Variants in REXO1 observed in about 807,000 individuals in gnomAD.
REXO1 encodes the protein REX1, RNA exonuclease 1 homolog.
In REXO1, 42 loss-of-function variants were observed where a neutral mutation model predicts 102.6. The observed-to-expected ratio is 0.41, with a 90% CI of 0.32 to 0.53. REXO1 has a LOEUF of 0.53. Ranked by LOEUF, REXO1 falls within the 20% of genes least tolerant of loss-of-function variation. REXO1 has a pLI of 0.27. For missense variants in REXO1, 1,819 were observed against 1,732.5 expected (o/e 1.05, Z -0.89); for synonymous variants, 908 against 779.1 (o/e 1.17, Z -2.76).
Position 1,827,396 on chromosome 19 carries a change from A to G in REXO1, c.1393T>C (p.Ser465Pro). 1 of 1,540,878 alleles carries G rather than the reference A, an allele frequency of 6.5e-7. No individual in the cohort carries two copies. The highest frequency in any genetic ancestry group is 8.7e-7 in the Non-Finnish European group (1 of 1,151,980). Residue 465 changes from serine to proline, a missense_variant, in exon 2 of 16, where the codon TCC (serine) becomes CCC (proline). Coordinates refer to ENST00000170168, the MANE Select transcript of REXO1 (RefSeq NM_020695.4). ...ARRPSPTSGD[S>P]RPAAGRGPPR... is the part of the protein sequence containing the mutation. ...GGGCCTCTGCCGGCCGCCGGTCGGG[A>G]GTCCCCGCTTGTGGGGCTCGGCCGC...
In REXO1 at chr19:1,817,732, C is replaced by A. The variant is rs749122145; in HGVS notation, c.3065G>T (p.Gly1022Val). 3.1e-6 allele frequency: 5 copies of A among 1,612,142 alleles called. No homozygotes were observed. The highest frequency in any genetic ancestry group is 4.2e-6 in the Non-Finnish European group (5 of 1,179,652). The change falls in exon 11 of 16, where the codon GGC becomes GTC. Residue 1022 changes from glycine (G) to valine (V), a missense_variant. Physicochemically the swap from Gly to Val is moderately radical, Grantham distance 109 (BLOSUM62 -3). Coordinates refer to ENST00000170168, the MANE Select transcript of REXO1 (RefSeq NM_020695.4). Reference sequence around the variant, plus strand: ...CTTTGCGACTTGGCAGCCGACAGAGCCGGCGGCAGCCGAGCAGCACATGTA... The same window carrying A: ...CTTTGCGACTTGGCAGCCGACAGAGACGGCGGCAGCCGAGCAGCACATGTA... ...TQYMCCSAAA[G>V]SVGCQVAKQH... is the part of the protein sequence containing the mutation.
At chr19:1,820,513 G>C in intron 5 of REXO1, 118 bp from the exon 6 acceptor site, 1 of 1,208,590 alleles carries the variant, frequency 8.3e-7, no homozygotes, top group East Asian at 2.5e-5. Flanking sequence ...CGCTGGGACA[G>C]ATCAGCCTGG....
At chr19:1,836,886 G>A (rs1018027307) in intron 1 of REXO1, among the ~76,000 whole-genome samples, 7 of 152,168 alleles carry the variant, frequency 4.6e-5, no homozygotes, top group African/African-American at 1.7e-4. Context: ...CCCGCATGCT[G>A]GCCCAGAACA....
chr19:1,828,853 G>A (rs2069826743), intron 1 of REXO1, among the ~76,000 whole-genome samples: 1 of 152,266 alleles, frequency 6.6e-6, no homozygotes, highest in Non-Finnish European at 1.5e-5. Flanking sequence ...AATGGGCGCT[G>A]GATGGGCCTG....
At chr19:1,817,154 G>GGCCAGATGGGGC in intron 12 of REXO1, 65 bp downstream of exon 12, 1 of 1,586,772 alleles carries the variant, frequency 6.3e-7, no homozygotes, top group South Asian at 1.1e-5. Context: ...GGCCAGATGG[G>GGCCAGATGGGGC]GCGGCCGCAC....
chr19:1,817,273 C>G lies in REXO1; in HGVS notation c.3147G>C (p.Glu1049Asp). Residue 1049 changes from glutamate to aspartate, a missense_variant, in exon 12 of 16, where the codon GAG becomes GAC. Transcript: ENST00000170168. The part of the protein sequence containing the change: ...ERLEGFVKTF[E>D]KELSGDTHPG... Reference sequence around the variant, plus strand: ...GGTGGGTGTCTCCTGAGAGCTCTTTCTCAAAGGTCTTCACGAAGCCCTCAA... The same window carrying G: ...GGTGGGTGTCTCCTGAGAGCTCTTTGTCAAAGGTCTTCACGAAGCCCTCAA... 6.2e-7 allele frequency: 1 copy of G among 1,613,276 alleles called. No individual in the cohort carries two copies. The highest frequency in any genetic ancestry group is 8.5e-7 in the Non-Finnish European group (1 of 1,180,018).
chr19:1,823,802 G>T lies in REXO1; in HGVS notation c.2017-17C>A, dbSNP rs956841596. 5 of 1,189,724 alleles carry T rather than the reference G, an allele frequency of 4.2e-6. No homozygotes were observed. Among genetic ancestry groups the T allele is most frequent in the Admixed American group, 8.1e-5 (2 of 24,832 alleles). The allele number at this position is 1,189,724 out of a possible 1,614,324, so 73.7% of individuals were successfully genotyped here. A position where few individuals can be genotyped will look rare whatever the true frequency, so the allele number is the denominator to read the frequency against. On this transcript the variant is annotated splice_polypyrimidine_tract_variant and intron_variant, in intron 3 of 15. Transcript: ENST00000170168. ...GGGCTCCACCTGCGTCACCACAAAT[G>T]CTAAGGCCTGGCAGCACAGCGGGGG...
intron 1 of REXO1, among the ~76,000 whole-genome samples, chr19:1,837,607 T>C (rs564073785): frequency 3.3e-5 from 5 of 152,186 alleles, no homozygotes; most frequent in East Asian, 1.9e-4. Context: ...CACACCAGAC[T>C]CCACCCAGGT....
chr19:1,841,496 GC>G (rs2011277136), intron 1 of REXO1, among the ~76,000 whole-genome samples: 1 of 152,258 alleles, frequency 6.6e-6, no homozygotes, highest in Non-Finnish European at 1.5e-5. Context: ...GTGCAGAAGA[GC>G]TCGCAGAGGC....
chr19:1,817,895 A>G, intron 10 of REXO1, 115 bp from the exon 11 acceptor site: 1 of 785,136 alleles, frequency 1.3e-6, no homozygotes, highest in Non-Finnish European at 2.1e-6. Flanking sequence ...TGAGGACAGG[A>G]GGCCTCAGCC....
At position 1,817,407 on chromosome 19, in the gene REXO1, G is replaced by A. The variant is rs1226638215; in HGVS notation, c.3091-78C>T. ...GGTGGCAGCAGCAGCACATCTCTGA[G>A]CCCTTCGGGACCATCCTATCCATCC... is the stretch of plus-strand genomic sequence containing the variant. On this transcript the variant is annotated intron_variant, in intron 11 of 15. Transcript: ENST00000170168. 5 of 1,576,888 alleles carry A rather than the reference G, an allele frequency of 3.2e-6. No individual in the cohort carries two copies. The African/African-American group carries it at 5.4e-5, about 17-fold the overall frequency.
At chr19:1,841,009 G>A (rs937405198) in intron 1 of REXO1, among the ~76,000 whole-genome samples, 3 of 152,224 alleles carry the variant, frequency 2.0e-5, no homozygotes, top group Non-Finnish European at 4.4e-5. Context: ...TGGGACGGGA[G>A]GCGCTCCGTC....
chr19:1,842,323 T>C (rs1356113852), intron 1 of REXO1, among the ~76,000 whole-genome samples: 1 of 151,930 alleles, frequency 6.6e-6, no homozygotes, highest in East Asian at 1.9e-4. Context: ...TAGATCTCTG[T>C]CTGTGGGGTT....
At chr19:1,838,983 G>A (rs945741868) in intron 1 of REXO1, among the ~76,000 whole-genome samples, 2 of 151,970 alleles carry the variant, frequency 1.3e-5, no homozygotes, top group South Asian at 2.1e-4. Flanking sequence ...AGCTGGGCAC[G>A]GTGGCTCACG....
intron 4 of REXO1, chr19:1,823,313 C>A: frequency 2.6e-6 from 1 of 388,564 alleles, no homozygotes; most frequent in Non-Finnish European, 4.5e-6. Context: ...CCTGGTTCAG[C>A]CCAGTCCCCA....
chr19:1,817,079 G>C (rs929819181), intron 12 of REXO1, 140 bp downstream of exon 12: 39 of 1,051,950 alleles, frequency 3.7e-5, no homozygotes, highest in Middle Eastern at 3.1e-4. Flanking sequence ...TCCAGGGCAG[G>C]AGCCACAGGC....
Position 1,821,533 on chromosome 19 carries a change from T to C in REXO1, c.2380A>G (p.Ser794Gly). 1.9e-6 allele frequency: 3 copies of C among 1,613,654 alleles called. No homozygotes were observed. Among genetic ancestry groups the C allele is most frequent in the Non-Finnish European group, 2.5e-6 (3 of 1,179,786 alleles). Reference sequence around the variant, plus strand: ...GGAGGGGCTACCTGTAAGGATGGACTGTGGGCGATTCGCTTAGGGATGATG... The same window carrying C: ...GGAGGGGCTACCTGTAAGGATGGACCGTGGGCGATTCGCTTAGGGATGATG... The part of the protein sequence containing the change: ...TTIIPKRIAH[S>G]PSLQSLKKPI... Residue 794 changes from serine to glycine, a missense_variant, in exon 5 of 16, where the codon AGT (serine) becomes GGT (glycine). Coordinates refer to ENST00000170168, the MANE Select transcript of REXO1 (RefSeq NM_020695.4).
At chr19:1,829,019 C>A (rs974930121) in intron 1 of REXO1, among the ~76,000 whole-genome samples, 4 of 152,258 alleles carry the variant, frequency 2.6e-5, no homozygotes, top group African/African-American at 9.6e-5. Context: ...CGGGCTGAGG[C>A]AGGACTGGGC....
chr19:1,817,157 G>A (rs542308115), intron 12 of REXO1, 62 bp downstream of exon 12: 36 of 701,744 alleles, frequency 5.1e-5, no homozygotes, highest in Non-Finnish European at 6.9e-5. Context: ...CAGATGGGGC[G>A]GCCGCACCAG....
Sources: allele counts gnomAD v4.1 joint callset (sites outside exome capture counted in the v4.1 genomes callset), GRCh38; gene constraint gnomAD v4.1.1; transcripts MANE v1.5; gene names NCBI Gene and HGNC (gene_info 2026-07-23, HGNC 2026-07-21).